The following ADARB2 variants were observed in gnomAD, a reference collection of about 807,000 sequenced individuals.
ADARB2 encodes adenosine deaminase RNA specific B2 (inactive).
A neutral mutation model predicts 62.2 loss-of-function variants in ADARB2; 25 were observed. The observed-to-expected ratio is 0.40, with a 90% CI of 0.29 to 0.56. ADARB2 has a LOEUF of 0.56. Ranked by LOEUF, ADARB2 falls within the 20% of genes least tolerant of loss-of-function variation. The pLI is 0.43. For missense variants in ADARB2, 1,071 were observed against 1,077.4 expected (o/e 0.99, Z 0.08); for synonymous variants, 572 against 500.8 (o/e 1.14, Z -1.90).
intron 3 of ADARB2, among the ~76,000 whole-genome samples, chr10:1,339,191 G>A (rs1220697183): frequency 3.3e-5 from 5 of 152,228 alleles, no homozygotes; most frequent in Non-Finnish European, 5.9e-5. Context: ...GGACCCCACA[G>A]CCCAGCATAG....
chr10:1,377,499 T>G (rs1470087430), intron 2 of ADARB2, among the ~76,000 whole-genome samples: 2 of 128,566 alleles, frequency 1.6e-5, no homozygotes, highest in African/African-American at 6.0e-5. Flanking sequence ...GTGTGTGCGC[T>G]CCTGGGGTGT....
At chr10:1,462,628 CAT>C (rs1407451899) in intron 1 of ADARB2, among the ~76,000 whole-genome samples, 13 of 146,256 alleles carry the variant, frequency 8.9e-5, no homozygotes, top group African/African-American at 3.4e-4. Flanking sequence ...TGTGTATGTA[CAT>C]GAGTGTATGT....
chr10:1,210,450 T>C (rs1305041932), intron 7 of ADARB2, among the ~76,000 whole-genome samples: 1 of 151,860 alleles, frequency 6.6e-6, no homozygotes, highest in African/African-American at 2.4e-5. Flanking sequence ...GGAGAGAAAA[T>C]CTGTAGGTTT....
Position 1,320,738 on chromosome 10 carries a change from G to A in ADARB2, c.1077+42290C>T, listed in dbSNP as rs1831787575. Among the ~76,000 whole-genome samples the A allele has an allele frequency of 2.0e-5, 3 of 152,090 alleles. No homozygotes were observed. In the South Asian group the frequency reaches 6.2e-4, roughly 31 times the overall value. On this transcript the variant is annotated intron_variant, in intron 3 of 9. Coordinates refer to ENST00000381312, the MANE Select transcript of ADARB2 (RefSeq NM_018702.4). Reference sequence around the variant, plus strand: ...ATTTTTCTATAATGAGAGATGATGTGGTGAGCTACAAAATAAGAGACAGAT... The same window carrying A: ...ATTTTTCTATAATGAGAGATGATGTAGTGAGCTACAAAATAAGAGACAGAT...
intron 1 of ADARB2, among the ~76,000 whole-genome samples, chr10:1,563,241 C>T (rs1832812015): frequency 6.6e-6 from 1 of 152,136 alleles, no homozygotes; most frequent in Non-Finnish European, 1.5e-5. Flanking sequence ...AGGTGACCTC[C>T]CGCTCCCTTT....
intron 1 of ADARB2, among the ~76,000 whole-genome samples, chr10:1,633,337 T>C (rs1833865700): frequency 6.6e-6 from 1 of 152,182 alleles, no homozygotes. Flanking sequence ...AAATCCGCAA[T>C]GCTCCATAGT....
At chr10:1,542,694 C>T (rs796414327) in intron 1 of ADARB2, among the ~76,000 whole-genome samples, 15 of 34,306 alleles carry the variant, frequency 4.4e-4, no homozygotes, top group African/African-American at 1.5e-3. Flanking sequence ...AGACGCAGTT[C>T]GGACCCTGGA....
chr10:1,263,816 T>C, intron 4 of ADARB2, among the ~76,000 whole-genome samples: 1 of 152,216 alleles, frequency 6.6e-6, no homozygotes, highest in African/African-American at 2.4e-5. Flanking sequence ...TATTCCAGGC[T>C]AAACTATTTA....
At chr10:1,666,356 C>A (rs556273021) in intron 1 of ADARB2, among the ~76,000 whole-genome samples, 1 of 152,222 alleles carries the variant, frequency 6.6e-6, no homozygotes, top group Non-Finnish European at 1.5e-5. Flanking sequence ...AGCTCATCTG[C>A]GAGTCGGAGC....
At chr10:1,578,296 C>T (rs1833048770) in intron 1 of ADARB2, among the ~76,000 whole-genome samples, 1 of 152,202 alleles carries the variant, frequency 6.6e-6, no homozygotes, top group South Asian at 2.1e-4. Context: ...GTTTTGAATA[C>T]ACATTTAAAA....
At chr10:1,672,109 C>T (rs947737387) in intron 1 of ADARB2, among the ~76,000 whole-genome samples, 1 of 148,614 alleles carries the variant, frequency 6.7e-6, no homozygotes, top group Admixed American at 6.6e-5. Flanking sequence ...AAGCAGAGCC[C>T]TACCCCATCC....
At chr10:1,680,836 C>T (rs559308347) in intron 1 of ADARB2, among the ~76,000 whole-genome samples, 33 of 152,188 alleles carry the variant, frequency 2.2e-4, no homozygotes, top group Admixed American at 4.6e-4. Flanking sequence ...TCAGGACACA[C>T]ACATACACTT....
intron 6 of ADARB2, among the ~76,000 whole-genome samples, chr10:1,224,087 T>C (rs1830721588): frequency 6.6e-6 from 1 of 152,218 alleles, no homozygotes; most frequent in Non-Finnish European, 1.5e-5. Flanking sequence ...TGTTGATCAT[T>C]GCCTCAATTT....
At chr10:1,591,578 T>C (rs965196924) in intron 1 of ADARB2, among the ~76,000 whole-genome samples, 4 of 152,108 alleles carry the variant, frequency 2.6e-5, no homozygotes, top group Non-Finnish European at 5.9e-5. Flanking sequence ...GAAAGTGCTC[T>C]CTGGGTGCCA....
intron 1 of ADARB2, among the ~76,000 whole-genome samples, chr10:1,733,219 T>C (rs1377661606): frequency 6.6e-6 from 1 of 152,168 alleles, no homozygotes; most frequent in African/African-American, 2.4e-5. Flanking sequence ...CAGCCTCCAA[T>C]GTACCTTGTG....
At chr10:1,430,101 G>T (rs1830764966) in intron 1 of ADARB2, among the ~76,000 whole-genome samples, 1 of 152,188 alleles carries the variant, frequency 6.6e-6, no homozygotes. Context: ...GATTTAGAAA[G>T]TATGGAGTGT....
chr10:1,349,834 C>G (rs915021566), intron 3 of ADARB2, among the ~76,000 whole-genome samples: 1 of 152,108 alleles, frequency 6.6e-6, no homozygotes, highest in Non-Finnish European at 1.5e-5. Context: ...CCACTGATGT[C>G]TGATCTCCGT....
chr10:1,330,519 T>C (rs1016523847), intron 3 of ADARB2, among the ~76,000 whole-genome samples: 7 of 152,154 alleles, frequency 4.6e-5, no homozygotes, highest in Non-Finnish European at 1.0e-4. Context: ...GTCAACACCA[T>C]GTGAAATGGG....
intron 1 of ADARB2, among the ~76,000 whole-genome samples, chr10:1,631,539 G>T (rs1340270316): frequency 6.6e-6 from 1 of 152,234 alleles, no homozygotes; most frequent in Non-Finnish European, 1.5e-5. Flanking sequence ...GTCACTCTTT[G>T]ATGCCTGGGA....
Sources: allele counts gnomAD v4.1 joint callset (sites outside exome capture counted in the v4.1 genomes callset), GRCh38; gene constraint gnomAD v4.1.1; transcripts MANE v1.5; gene names NCBI Gene and HGNC (gene_info 2026-07-23, HGNC 2026-07-21).